EFCAB11: variants seen among roughly 807,000 people sequenced by gnomAD.
EFCAB11 encodes EF-hand calcium binding domain 11.
In EFCAB11, 14 loss-of-function variants were observed where a neutral mutation model predicts 23.0. That is an observed-to-expected ratio of 0.61 (90% CI 0.40 to 0.95). The LOEUF is 0.95. EFCAB11 is among the 40% of genes least tolerant of loss of function. The pLI, the probability that EFCAB11 is intolerant of heterozygous loss-of-function variation, is 0.00. For synonymous variants in EFCAB11, 65 were observed against 66.6 expected (o/e 0.98, Z 0.11); for missense variants, 198 against 195.8 (o/e 1.01, Z -0.07).
At chr14:89,898,186 A>C (rs1889227952) in intron 5 of EFCAB11, among the ~76,000 whole-genome samples, 1 of 152,130 alleles carries the variant, frequency 6.6e-6, no homozygotes, top group Non-Finnish European at 1.5e-5. Context: ...TTCACCCCCA[A>C]CAAGGTGTGA....
chr14:89,861,216 A>C (rs150265200), intron 5 of EFCAB11, among the ~76,000 whole-genome samples: 18 of 152,110 alleles, frequency 1.2e-4, no homozygotes, highest in African/African-American at 4.1e-4. Context: ...ATCCATTTAT[A>C]CTAATATGAC....
intron 2 of EFCAB11, among the ~76,000 whole-genome samples, chr14:89,953,197 A>G (rs1226080962): frequency 1.3e-5 from 2 of 151,680 alleles, no homozygotes; most frequent in Admixed American, 6.6e-5. Context: ...TCATTGCAGC[A>G]ATGTTGGCAG....
rs553481627 is a variant in EFCAB11, at chr14:89,905,712, CAG to C, written c.410+25827_410+25828del. Among the ~76,000 whole-genome samples the C allele has an allele frequency of 2.3e-3, 356 of 152,248 alleles. 1 individual carries two copies. Among genetic ancestry groups the C allele is most frequent in the African/African-American group, 7.8e-3 (325 of 41,542 alleles). On this transcript the variant is annotated intron_variant, in intron 5 of 5. Transcript: ENST00000316738. Reference sequence around the variant, plus strand: ...AAGAGCCTAAAAGAAGAGGAGGAGTCAGAGAGTAGCCAGCCTTGAGGACCGAG... The same window carrying C: ...AAGAGCCTAAAAGAAGAGGAGGAGTCAGAGTAGCCAGCCTTGAGGACCGAG...
Position 89,920,619 on chromosome 14 carries a change from C to T in EFCAB11, c.410+10922G>A, listed in dbSNP as rs546942327. On this transcript the variant is annotated intron_variant, in intron 5 of 5. Transcript: ENST00000316738. The stretch of plus-strand genomic sequence containing the variant: ...AACCCAAGATGTTCCTGTGAGGATC[C>T]GTTCAGCACAGTGCCTGGCACATGG... Among the ~76,000 whole-genome samples, 55 of 152,302 alleles carry T rather than the reference C, an allele frequency of 3.6e-4. 1 individual carries two copies. The highest frequency in any genetic ancestry group is 5.8e-4 in the East Asian group (3 of 5,182).
At chr14:89,945,009 CTAA>C (rs1456668297) in intron 3 of EFCAB11, among the ~76,000 whole-genome samples, 33 of 123,014 alleles carry the variant, frequency 2.7e-4, no homozygotes, top group African/African-American at 1.0e-3. Context: ...TTTATTAGAT[CTAA>C]TAATAAATCT....
chr14:89,879,324 T>C lies in EFCAB11; in HGVS notation c.410+52217A>G, dbSNP rs139022193. On this transcript the variant is annotated intron_variant, in intron 5 of 5. Coordinates refer to ENST00000316738, the MANE Select transcript of EFCAB11 (RefSeq NM_145231.4). Reference sequence around the variant, plus strand: ...TTTGCTATTCTAGATGTTGGTTCCTTTCAGCATCATAGCCTGTGTTATTGT... The same window carrying C: ...TTTGCTATTCTAGATGTTGGTTCCTCTCAGCATCATAGCCTGTGTTATTGT... Among the ~76,000 whole-genome samples the C allele has an allele frequency of 4.3e-3, 649 of 152,306 alleles. 6 individuals carry two copies. Among genetic ancestry groups the C allele is most frequent in the Middle Eastern group, 0.031 (9 of 294 alleles).
At chr14:89,887,686 C>A (rs1888836380) in intron 5 of EFCAB11, among the ~76,000 whole-genome samples, 1 of 152,092 alleles carries the variant, frequency 6.6e-6, no homozygotes, top group African/African-American at 2.4e-5. Context: ...TATGTACCAA[C>A]CATTTAGAAA....
rs568193332 is a variant in EFCAB11, at chr14:89,837,703, G to T, written c.411-40379C>A. On this transcript the variant is annotated intron_variant, in intron 5 of 5. Coordinates refer to ENST00000316738, the MANE Select transcript of EFCAB11 (RefSeq NM_145231.4). ...AAAAAACGATAATAAACCCATGCTG[G>T]TAGTGACGTGTAAGACTATGGCCAT... Among the ~76,000 whole-genome samples the T allele has an allele frequency of 9.2e-4, 140 of 152,228 alleles. 1 individual carries two copies. The highest frequency in any genetic ancestry group is 3.3e-3 in the African/African-American group (135 of 41,522).
At chr14:89,954,112 G>T in intron 1 of EFCAB11, 111 bp from the exon 2 acceptor site, 1 of 960,596 alleles carries the variant, frequency 1.0e-6, no homozygotes, top group Non-Finnish European at 1.5e-6. Flanking sequence ...CAGCGGTAGA[G>T]TATGAAAATA....
chr14:89,804,103 C>T (rs1463375498), intron 5 of EFCAB11, among the ~76,000 whole-genome samples: 1 of 152,244 alleles, frequency 6.6e-6, no homozygotes, highest in African/African-American at 2.4e-5. Context: ...CTGGGAAAGC[C>T]TCACCCGAGC....
chr14:89,835,585 C>CATGTGTGTGT (rs1166785662), intron 5 of EFCAB11, among the ~76,000 whole-genome samples: 1 of 93,344 alleles, frequency 1.1e-5, no homozygotes, highest in African/African-American at 4.6e-5. Flanking sequence ...GGATGCTCAA[C>CATGTGTGTGT]GTGTGTGTGT....
intron 5 of EFCAB11, among the ~76,000 whole-genome samples, chr14:89,868,470 C>T (rs1832931415): frequency 6.6e-6 from 1 of 152,084 alleles, no homozygotes; most frequent in Admixed American, 6.5e-5. Flanking sequence ...AAGGCATTTA[C>T]AAGAATACAC....
At chr14:89,954,430 C>A in intron 1 of EFCAB11, 156 bp downstream of exon 1, 1 of 1,536,882 alleles carries the variant, frequency 6.5e-7, no homozygotes, top group Non-Finnish European at 8.7e-7. Context: ...GCCAGGAGCC[C>A]TGCAGCTCCA....
chr14:89,894,478 T>C (rs913786202), intron 5 of EFCAB11, among the ~76,000 whole-genome samples: 2 of 138,930 alleles, frequency 1.4e-5, no homozygotes, highest in African/African-American at 5.4e-5. Context: ...CCTGTGTCCA[T>C]GTGTTCTCAT....
Position 89,905,055 on chromosome 14 carries a change from G to A in EFCAB11, c.410+26486C>T, listed in dbSNP as rs1360401821. Among the ~76,000 whole-genome samples, 101 of 152,070 alleles carry A rather than the reference G, an allele frequency of 6.6e-4. 1 individual carries two copies. The highest frequency in any genetic ancestry group is 6.6e-3 in the Admixed American group (101 of 15,264). On this transcript the variant is annotated intron_variant, in intron 5 of 5. Coordinates refer to ENST00000316738, the MANE Select transcript of EFCAB11 (RefSeq NM_145231.4). Reference sequence around the variant, plus strand: ...AAGAAATAAATTCTTCCTCCTGCTGGGAAGAGAGCCAAGTCACTTTACACA... The same window carrying A: ...AAGAAATAAATTCTTCCTCCTGCTGAGAAGAGAGCCAAGTCACTTTACACA...
intron 5 of EFCAB11, among the ~76,000 whole-genome samples, chr14:89,868,944 G>C (rs1273935909): frequency 6.6e-6 from 1 of 152,108 alleles, no homozygotes; most frequent in African/African-American, 2.4e-5. Context: ...TATAGCTCAC[G>C]TCTGTAATTC....
At chr14:89,820,847 T>C (rs1016241045) in intron 5 of EFCAB11, among the ~76,000 whole-genome samples, 12 of 152,020 alleles carry the variant, frequency 7.9e-5, no homozygotes, top group African/African-American at 2.9e-4. Context: ...AGTCTAGACA[T>C]TGCTATGAAG....
At position 89,935,758 on chromosome 14, in the gene EFCAB11, C is replaced by T. The variant is rs138486826; in HGVS notation, c.218-3131G>A. On this transcript the variant is annotated intron_variant, in intron 3 of 5. Coordinates refer to ENST00000316738, the MANE Select transcript of EFCAB11 (RefSeq NM_145231.4). ...GTGCGGTAGCTCACGCCTGTAATCC[C>T]AGCAATTTGGGAGGCTGAGGCAGGC... 2.4e-3 allele frequency among the ~76,000 whole-genome samples: 361 copies of T among 152,302 alleles called. 1 individual carries two copies. Among genetic ancestry groups the T allele is most frequent in the African/African-American group, 8.0e-3 (332 of 41,572 alleles).
At chr14:89,799,480 T>C (rs954536346) in intron 5 of EFCAB11, 1 of 152,178 alleles carries the variant, frequency 6.6e-6, no homozygotes, top group South Asian at 2.1e-4. Context: ...ACAGAGAAGA[T>C]GTACCGTGGG....
Sources: gnomAD v4.1 joint callset for allele counts (sites outside exome capture counted in the v4.1 genomes callset) on GRCh38, gnomAD v4.1.1 for gene constraint, MANE v1.5 for transcripts, NCBI Gene and HGNC (gene_info 2026-07-23, HGNC 2026-07-21) for gene names.